Variants in MARCHF1 observed in about 807,000 individuals in gnomAD.
The protein encoded by MARCHF1 is E3 ubiquitin-protein ligase MARCHF1.
A neutral mutation model predicts 54.2 loss-of-function variants in MARCHF1; 40 were observed. The ratio of observed to expected loss-of-function variants is 0.74; its 90% CI spans 0.57 to 0.96. The LOEUF (loss-of-function observed/expected upper bound fraction) is 0.96, where lower values mean the gene tolerates loss of function less well. Ranked by LOEUF, MARCHF1 falls within the 40% of genes least tolerant of loss-of-function variation. The pLI, the probability that MARCHF1 is intolerant of heterozygous loss-of-function variation, is 0.00. For missense variants in MARCHF1, 586 were observed against 656.5 expected (o/e 0.89, Z 1.17); for synonymous variants, 236 against 236.3 (o/e 1.00, Z 0.01).
chr4:163,765,798 T>G (rs576764919), intron 4 of MARCHF1, among the ~76,000 whole-genome samples: 1 of 148,590 alleles, frequency 6.7e-6, no homozygotes, highest in Admixed American at 6.8e-5. Flanking sequence ...TAGCTCTTCA[T>G]CTTAAAGTGA....
At chr4:163,854,827 T>C (rs1175669680) in intron 3 of MARCHF1, among the ~76,000 whole-genome samples, 1 of 152,172 alleles carries the variant, frequency 6.6e-6, no homozygotes, top group East Asian at 1.9e-4. Context: ...AACTTCTTAT[T>C]TGGGGGAATG....
intron 8 of MARCHF1, among the ~76,000 whole-genome samples, chr4:163,574,841 A>G (rs867054888): frequency 9.2e-5 from 14 of 151,426 alleles, no homozygotes; most frequent in Middle Eastern, 3.2e-3. Context: ...GTTTTTTCCA[A>G]TTCTGTGAAG....
At chr4:163,681,136 T>A (rs1320129461) in intron 5 of MARCHF1, among the ~76,000 whole-genome samples, 1 of 152,026 alleles carries the variant, frequency 6.6e-6, no homozygotes, top group East Asian at 1.9e-4. Context: ...GTAAACAGTA[T>A]CTCCATATTT....
chr4:164,057,974 G>A (rs747079748), intron 2 of MARCHF1, among the ~76,000 whole-genome samples: 10 of 152,096 alleles, frequency 6.6e-5, no homozygotes, highest in Non-Finnish European at 1.2e-4. Context: ...CCTTTATGGG[G>A]ACATGGATGA....
intron 7 of MARCHF1, among the ~76,000 whole-genome samples, chr4:163,590,826 A>G (rs1487018091): frequency 6.6e-6 from 1 of 151,980 alleles, no homozygotes; most frequent in Non-Finnish European, 1.5e-5. Context: ...TGGTTGACTC[A>G]CAAATGTTAT....
chr4:164,198,519 C>A (rs72987735), intron 1 of MARCHF1, among the ~76,000 whole-genome samples: 1,820 of 152,302 alleles, frequency 0.012, 36 homozygotes, highest in African/African-American at 0.042. Flanking sequence ...GGTACTAGTC[C>A]TATGTCCCAC....
intron 5 of MARCHF1, among the ~76,000 whole-genome samples, chr4:163,672,027 A>AT (rs2111133193): frequency 6.6e-6 from 1 of 152,280 alleles, no homozygotes; most frequent in South Asian, 2.1e-4. Flanking sequence ...AATATGTTTG[A>AT]TTTGTTTACT....
chr4:163,869,735 C>T (rs1165760774), intron 3 of MARCHF1, among the ~76,000 whole-genome samples: 1 of 152,018 alleles, frequency 6.6e-6, no homozygotes, highest in Non-Finnish European at 1.5e-5. Flanking sequence ...AAACCAATGA[C>T]TATTCTATAT....
intron 3 of MARCHF1, among the ~76,000 whole-genome samples, chr4:163,931,795 A>G (rs1751683146): frequency 6.6e-6 from 1 of 152,180 alleles, no homozygotes; most frequent in African/African-American, 2.4e-5. Flanking sequence ...ACACTTGCAA[A>G]CTGAACTAAA....
intron 3 of MARCHF1, among the ~76,000 whole-genome samples, chr4:163,897,596 G>A (rs1438478171): frequency 6.6e-6 from 1 of 152,028 alleles, no homozygotes; most frequent in Non-Finnish European, 1.5e-5. Context: ...CATCAACAAA[G>A]TTGACAAAAA....
chr4:163,751,527 G>A (rs952499635), intron 4 of MARCHF1, among the ~76,000 whole-genome samples: 5 of 151,848 alleles, frequency 3.3e-5, no homozygotes, highest in Admixed American at 6.6e-5. Flanking sequence ...AAAAGATTTA[G>A]AAGGTTTATG....
In MARCHF1 at chr4:164,163,194, G is replaced by A. The variant is rs190457120; in HGVS notation, c.-322-51532C>T. ...AAATACAGGAAGAACTAAAATGCAA[G>A]CAAAATGTTATATATTTGGTGATAT... On this transcript the variant is annotated intron_variant, in intron 1 of 9. Coordinates refer to ENST00000514618, the MANE Select transcript of MARCHF1 (RefSeq NM_001394959.1). Among the ~76,000 whole-genome samples the A allele has an allele frequency of 1.6e-3, 240 of 151,390 alleles. 1 individual carries two copies. The highest frequency in any genetic ancestry group is 5.6e-3 in the African/African-American group (232 of 41,362).
chr4:163,811,561 A>C (rs1244459576), intron 4 of MARCHF1, among the ~76,000 whole-genome samples: 1 of 152,148 alleles, frequency 6.6e-6, no homozygotes, highest in African/African-American at 2.4e-5. Flanking sequence ...AACGGAGAGC[A>C]GGAGGGAAAT....
chr4:164,291,938 C>T (rs1322920509), intron 1 of MARCHF1, among the ~76,000 whole-genome samples: 1 of 152,130 alleles, frequency 6.6e-6, no homozygotes, highest in East Asian at 1.9e-4. Flanking sequence ...TATAATATAA[C>T]TCATTCATTC....
At chr4:163,626,911 T>C (rs1028433015) in intron 5 of MARCHF1, among the ~76,000 whole-genome samples, 10 of 152,092 alleles carry the variant, frequency 6.6e-5, no homozygotes, top group African/African-American at 2.4e-4. Context: ...GGTGACAGAA[T>C]GTGACTCCAT....
chr4:163,874,559 G>A (rs553704392), intron 3 of MARCHF1, among the ~76,000 whole-genome samples: 84 of 152,022 alleles, frequency 5.5e-4, no homozygotes, highest in Middle Eastern at 3.4e-3. Flanking sequence ...ACATATTTTC[G>A]TAGCAAGAGA....
chr4:163,715,273 T>G (rs1745222993), intron 4 of MARCHF1, among the ~76,000 whole-genome samples: 1 of 152,012 alleles, frequency 6.6e-6, no homozygotes, highest in African/African-American at 2.4e-5. Context: ...TGAGACGGAG[T>G]CTCGCTCTGT....
At chr4:164,249,671 A>G (rs1214146519) in intron 1 of MARCHF1, among the ~76,000 whole-genome samples, 5 of 151,932 alleles carry the variant, frequency 3.3e-5, no homozygotes. Context: ...ATTAAGGAAG[A>G]AAGTGCTAGG....
At chr4:164,150,041 A>G (rs909913421) in intron 1 of MARCHF1, among the ~76,000 whole-genome samples, 15 of 152,176 alleles carry the variant, frequency 9.9e-5, no homozygotes, top group Non-Finnish European at 1.5e-4. Flanking sequence ...ATTGTCTCAT[A>G]AAACGATGTG....
Sources: gnomAD v4.1 joint callset for allele counts (sites outside exome capture counted in the v4.1 genomes callset) on GRCh38, gnomAD v4.1.1 for gene constraint, MANE v1.5 for transcripts, NCBI Gene and HGNC (gene_info 2026-07-23, HGNC 2026-07-21) for gene names.